PGS1: variants seen among roughly 807,000 people sequenced by gnomAD.
PGS1 encodes the protein CDP-diacylglycerol--glycerol-3-phosphate 3-phosphatidyltransferase, mitochondrial.
Under a neutral mutation model 58.3 loss-of-function variants are expected in PGS1, and 44 were observed. That is an observed-to-expected ratio of 0.75 (90% CI 0.59 to 0.97). The LOEUF is 0.97. Among genes scored for constraint, PGS1 ranks in the 50% least tolerant of loss-of-function variants. The probability of loss-of-function intolerance (pLI) is 0.00; values close to 1 mark genes in which losing one functional copy is unlikely to be tolerated. For synonymous variants in PGS1, 330 were observed against 311.0 expected (o/e 1.06, Z -0.64); for missense variants, 684 against 731.1 (o/e 0.94, Z 0.74).
At chr17:78,413,825 G>A (rs1334763455) in intron 7 of PGS1, among the ~76,000 whole-genome samples, 1 of 152,236 alleles carries the variant, frequency 6.6e-6, no homozygotes, top group Non-Finnish European at 1.5e-5. Context: ...GGAACGGGGC[G>A]CAAAACTGTG....
At chr17:78,420,147 G>A (rs533718173) in intron 9 of PGS1, 4 of 1,011,130 alleles carry the variant, frequency 4.0e-6, no homozygotes, top group African/African-American at 1.7e-5. Context: ...AGGGTGGGGC[G>A]TCGGTAGAGC....
At chr17:78,420,690 TTATCTGCAGCTTTTCC>T (rs1335281795) in intron 9 of PGS1, 4 of 152,226 alleles carry the variant, frequency 2.6e-5, no homozygotes, top group African/African-American at 9.7e-5. Context: ...AATGTGTAGT[TTATCTGCAGCTTTTCC>T]TAGTTATTTT....
At chr17:78,386,586 T>C (rs2082400184) in intron 1 of PGS1, among the ~76,000 whole-genome samples, 1 of 152,200 alleles carries the variant, frequency 6.6e-6, no homozygotes, top group Non-Finnish European at 1.5e-5. Context: ...GAATGTGACA[T>C]GTAACTAGAC....
chr17:78,378,755 C>T lies in PGS1; in HGVS notation c.90C>T (p.Leu30=). ...CTGGCCGCCCAGGGCTGGCCGCGCT[C>T]CTGGGACGCCTGTCCGACCGCCTCG... The part of the protein sequence containing the change: ...LLPGRPGLAA[L]LGRLSDRLGR... Residue 30 remains leucine (L), a synonymous_variant, in exon 1 of 10, where the codon CTC becomes CTT. Coordinates refer to ENST00000262764, the MANE Select transcript of PGS1 (RefSeq NM_024419.5). 1 of 1,498,612 alleles carries T rather than the reference C, an allele frequency of 6.7e-7. No homozygotes were observed. The highest frequency in any genetic ancestry group is 8.8e-7 in the Non-Finnish European group (1 of 1,130,878). 92.8% of individuals were successfully genotyped at this position (1,498,612 alleles called of 1,614,324 possible).
intron 7 of PGS1, among the ~76,000 whole-genome samples, chr17:78,405,850 G>A (rs536395090): frequency 6.6e-6 from 1 of 152,294 alleles, no homozygotes; most frequent in East Asian, 1.9e-4. Context: ...AGTGGCTTTC[G>A]GAAGAGCTGA....
intron 7 of PGS1, among the ~76,000 whole-genome samples, chr17:78,413,097 A>G (rs2084864023): frequency 6.6e-6 from 1 of 152,250 alleles, no homozygotes; most frequent in Non-Finnish European, 1.5e-5. Context: ...CTGCACGGCC[A>G]GTGGCCCAGC....
chr17:78,390,861 G>A (rs1349057670), intron 1 of PGS1, among the ~76,000 whole-genome samples: 1 of 152,170 alleles, frequency 6.6e-6, no homozygotes, highest in Non-Finnish European at 1.5e-5. Context: ...ATGTGGTCGA[G>A]CTAACACTGG....
chr17:78,413,799 G>A (rs2084935268), intron 7 of PGS1, among the ~76,000 whole-genome samples: 1 of 152,232 alleles, frequency 6.6e-6, no homozygotes, highest in African/African-American at 2.4e-5. Context: ...GTCGGCCCTG[G>A]ACCTCGGGAA....
In PGS1 at chr17:78,419,791, T is replaced by G. The variant is rs2085529833; in HGVS notation, c.*10+116T>G. ...AGGGCTCTTTGATCCCTTTCTCAGT[T>G]AAACACAGAGCAGCATCTTCAGGGG... On this transcript the variant is annotated intron_variant, in intron 9 of 9. Coordinates refer to ENST00000262764, the MANE Select transcript of PGS1 (RefSeq NM_024419.5). 6 of 1,536,518 alleles carry G rather than the reference T, an allele frequency of 3.9e-6. No individual in the cohort carries two copies. In the East Asian group the frequency reaches 1.4e-4, roughly 36 times the overall value.
At chr17:78,379,860 G>A (rs571777533) in intron 1 of PGS1, among the ~76,000 whole-genome samples, 1 of 150,140 alleles carries the variant, frequency 6.7e-6, no homozygotes, top group African/African-American at 2.5e-5. Context: ...TGTGCAAATA[G>A]TTTTCTTTTC....
intron 1 of PGS1, among the ~76,000 whole-genome samples, chr17:78,387,586 A>G (rs929667222): frequency 5.6e-5 from 8 of 143,162 alleles, no homozygotes; most frequent in Non-Finnish European, 1.1e-4. Flanking sequence ...GGTGTGAGCC[A>G]TCGCGCCCAG....
chr17:78,381,437 C>T (rs1213990928), intron 1 of PGS1, among the ~76,000 whole-genome samples: 1 of 152,112 alleles, frequency 6.6e-6, no homozygotes, highest in Non-Finnish European at 1.5e-5. Context: ...GTTTCTGAGC[C>T]TTTCTTTGCC....
chr17:78,397,917 C>G (rs1445397842), intron 3 of PGS1, among the ~76,000 whole-genome samples: 1 of 152,232 alleles, frequency 6.6e-6, no homozygotes, highest in Admixed American at 6.5e-5. Flanking sequence ...TTGGTTGTGT[C>G]TGTGAGGATT....
At chr17:78,390,473 A>T (rs1043385545) in intron 1 of PGS1, among the ~76,000 whole-genome samples, 5 of 152,096 alleles carry the variant, frequency 3.3e-5, no homozygotes, top group Admixed American at 2.6e-4. Context: ...GCTTTCTGGG[A>T]AGTGCAGCTG....
At chr17:78,418,312 A>T (rs1053465346) in intron 8 of PGS1, among the ~76,000 whole-genome samples, 6 of 152,196 alleles carry the variant, frequency 3.9e-5, no homozygotes, top group Non-Finnish European at 7.3e-5. Context: ...ACGGAAAGAA[A>T]CTAACCCTTT....
At chr17:78,389,797 G>A (rs1423256036) in intron 1 of PGS1, among the ~76,000 whole-genome samples, 1 of 151,256 alleles carries the variant, frequency 6.6e-6, no homozygotes, top group African/African-American at 2.4e-5. Context: ...TGTGTTTTTA[G>A]TAGAGACGGG....
intron 1 of PGS1, among the ~76,000 whole-genome samples, chr17:78,384,651 T>C (rs1162920269): frequency 6.6e-6 from 1 of 152,178 alleles, no homozygotes; most frequent in Non-Finnish European, 1.5e-5. Flanking sequence ...GGACACTGAA[T>C]TACCGACCTG....
rs1340717386 is a variant in PGS1 at position 78,404,019 on chromosome 17, C to G, written c.1332C>G (p.Cys444Trp). Residue 444 changes from cysteine (C) to tryptophan (W), a missense_variant, in exon 7 of 10, where the codon TGC becomes TGG. Coordinates refer to ENST00000262764, the MANE Select transcript of PGS1 (RefSeq NM_024419.5). The stretch of plus-strand genomic sequence containing the variant: ...AGCGACAGTTCTTCAGTGAGGTGTG[C>G]AGCCTGGGACAGCAGGAGCGGGTCC... The part of the protein sequence containing the change: ...HIERQFFSEV[C>W]SLGQQERVQL... 1 of 1,612,198 alleles carries G rather than the reference C, an allele frequency of 6.2e-7. No individual in the cohort carries two copies. The highest frequency in any genetic ancestry group is 8.5e-7 in the Non-Finnish European group (1 of 1,178,940).
chr17:78,390,629 C>G (rs912565919), intron 1 of PGS1, among the ~76,000 whole-genome samples: 1 of 152,188 alleles, frequency 6.6e-6, no homozygotes, highest in African/African-American at 2.4e-5. Context: ...CCCCACGTCC[C>G]TCTTGAGGTC....
Sources: allele counts gnomAD v4.1 joint callset (sites outside exome capture counted in the v4.1 genomes callset), GRCh38; gene constraint gnomAD v4.1.1; transcripts MANE v1.5; gene names NCBI Gene and HGNC (gene_info 2026-07-23, HGNC 2026-07-21).